PRKX: variants seen among roughly 807,000 people sequenced by gnomAD.
PRKX encodes the protein cAMP-dependent protein kinase catalytic subunit PRKX.
In PRKX, 12 loss-of-function variants were observed where a neutral mutation model predicts 22.0. That is an observed-to-expected ratio of 0.54 (90% CI 0.35 to 0.88). The LOEUF (loss-of-function observed/expected upper bound fraction) is 0.88, where lower values mean the gene tolerates loss of function less well. PRKX is among the 40% of genes least tolerant of loss of function. The probability of loss-of-function intolerance (pLI) is 0.01; values close to 1 mark genes in which losing one functional copy is unlikely to be tolerated. For missense variants in PRKX, 217 were observed against 308.0 expected (o/e 0.70, Z 2.21); for synonymous variants, 134 against 137.7 (o/e 0.97, Z 0.19).
At chrX:3,653,849 GAT>G (rs1491373191) in intron 3 of PRKX, among the ~76,000 whole-genome samples, 13 of 73,393 alleles carry the variant, frequency 1.8e-4, no homozygotes, top group South Asian at 1.3e-3. Context: ...TATACTATGT[GAT>G]ATATATATTA....
chrX:3,616,155 C>T (rs1303714258), intron 6 of PRKX, among the ~76,000 whole-genome samples: 2 of 111,091 alleles, frequency 1.8e-5, no homozygotes, highest in Non-Finnish European at 3.8e-5. Context: ...GGACCAAAGA[C>T]GAAAAAGGTA....
intron 1 of PRKX, among the ~76,000 whole-genome samples, chrX:3,686,190 C>T (rs1928174568): frequency 9.0e-6 from 1 of 111,581 alleles, no homozygotes; most frequent in Non-Finnish European, 1.9e-5. Flanking sequence ...GGATCTCACA[C>T]CAGTAAGTGG....
At chrX:3,637,979 C>A (rs905254848) in intron 4 of PRKX, among the ~76,000 whole-genome samples, 7 of 110,246 alleles carry the variant, frequency 6.3e-5, no homozygotes. Flanking sequence ...CCAGGCTGGT[C>A]TCGAACTCCT....
chrX:3,642,114 T>C, intron 3 of PRKX, 143 bp from the exon 4 acceptor site: 1 of 714,612 alleles, frequency 1.4e-6, no homozygotes, highest in Non-Finnish European at 2.0e-6. Flanking sequence ...TTTTAATGTG[T>C]AAAGACAGTA....
chrX:3,702,849 A>T (rs140265648), intron 1 of PRKX, among the ~76,000 whole-genome samples: 1,462 of 108,934 alleles, frequency 0.013, 30 homozygotes, highest in African/African-American at 0.045. Flanking sequence ...ATGCGTCCCC[A>T]TGCGTGGCTG....
chrX:3,694,052 G>C lies in PRKX; in HGVS notation c.166+19036C>G, dbSNP rs1050439583. 8.2e-5 allele frequency among the ~76,000 whole-genome samples: 9 copies of C among 109,224 alleles called. No homozygotes were observed. In the South Asian group the frequency reaches 3.6e-3, roughly 44 times the overall value. The allele number at this position is 109,224 out of a possible 115,157, so 94.8% of individuals were successfully genotyped here. ...TAGGGTGGGACCTAAATCCAACAAC[G>C]GGTGTCCTTCTAAGAGACAGAAGAG... On this transcript the variant is annotated intron_variant, in intron 1 of 8. Transcript: ENST00000262848.
At chrX:3,706,025 T>C (rs1213487759) in intron 1 of PRKX, among the ~76,000 whole-genome samples, 6 of 105,371 alleles carry the variant, frequency 5.7e-5, no homozygotes, top group Middle Eastern at 5.1e-3. Flanking sequence ...AAAACCACAA[T>C]GTCATCAACA....
chrX:3,659,812 C>A (rs1927558798), intron 2 of PRKX, among the ~76,000 whole-genome samples: 1 of 104,891 alleles, frequency 9.5e-6, no homozygotes, highest in African/African-American at 3.5e-5. Context: ...GCAACCTCCG[C>A]CTCCCGAGTT....
At chrX:3,688,768 C>A (rs1430233917) in intron 1 of PRKX, among the ~76,000 whole-genome samples, 1 of 108,222 alleles carries the variant, frequency 9.2e-6, no homozygotes, top group Non-Finnish European at 1.9e-5. Flanking sequence ...ACTCATGAGG[C>A]AGAGATGGGA....
At chrX:3,668,724 C>T (rs778888987) in intron 2 of PRKX, among the ~76,000 whole-genome samples, 61 of 112,019 alleles carry the variant, frequency 5.4e-4, no homozygotes, top group African/African-American at 1.7e-3. Flanking sequence ...TGGCTTGGCT[C>T]GGCTGCTGTG....
intron 3 of PRKX, among the ~76,000 whole-genome samples, chrX:3,647,956 T>C (rs1467102599): frequency 9.0e-6 from 1 of 111,408 alleles, no homozygotes; most frequent in African/African-American, 3.3e-5. Flanking sequence ...AGGGCCCTCC[T>C]ACAAGTAGAA....
intron 1 of PRKX, among the ~76,000 whole-genome samples, chrX:3,677,584 G>C (rs1197160018): frequency 7.2e-5 from 8 of 111,176 alleles, no homozygotes; most frequent in African/African-American, 2.6e-4. Flanking sequence ...CAAGAGTCTG[G>C]AATGCCATTG....
chrX:3,632,634 A>T (rs1232326412), intron 4 of PRKX, among the ~76,000 whole-genome samples: 16 of 111,871 alleles, frequency 1.4e-4, no homozygotes, highest in African/African-American at 4.9e-4. Flanking sequence ...AAGATAAATA[A>T]TAAGTGAGCA....
intron 1 of PRKX, among the ~76,000 whole-genome samples, chrX:3,677,940 CTT>C (rs1045402051): frequency 8.9e-6 from 1 of 111,935 alleles, no homozygotes; most frequent in Non-Finnish European, 1.9e-5. Context: ...AGTATATTCT[CTT>C]AGTTAATTTG....
chrX:3,635,383 C>T (rs1208643804), intron 4 of PRKX, among the ~76,000 whole-genome samples: 12 of 111,380 alleles, frequency 1.1e-4, no homozygotes, highest in African/African-American at 2.9e-4. Context: ...GAAGAAAATT[C>T]ATCACTATTC....
In PRKX at chrX:3,608,818, C is replaced by G. The variant is rs1926236732; in HGVS notation, c.*151G>C. 8.9e-6 allele frequency: 1 copy of G among 112,143 alleles called. No individual in the cohort carries two copies. The highest frequency in any genetic ancestry group is 9.5e-5 in the Admixed American group (1 of 10,525). 9.2% of individuals were successfully genotyped at this position (112,143 alleles called of 1,213,427 possible). On this transcript the variant is annotated 3_prime_UTR_variant, in exon 9 of 9. Coordinates refer to ENST00000262848, the MANE Select transcript of PRKX (RefSeq NM_005044.5). Reference sequence around the variant, plus strand: ...CAGTTCCATGAATTTCAACTGTGCTCTAATCTATTTCTATACACACAGGTA... The same window carrying G: ...CAGTTCCATGAATTTCAACTGTGCTGTAATCTATTTCTATACACACAGGTA...
chrX:3,633,533 T>C (rs1357797188), intron 4 of PRKX, among the ~76,000 whole-genome samples: 2 of 111,114 alleles, frequency 1.8e-5, no homozygotes, highest in East Asian at 5.6e-4. Context: ...ACTGCACTCC[T>C]GACTGGGCAA....
At chrX:3,661,814 T>C (rs1343520674) in intron 2 of PRKX, among the ~76,000 whole-genome samples, 2 of 111,344 alleles carry the variant, frequency 1.8e-5, no homozygotes, top group Admixed American at 1.9e-4. Context: ...AACCAATGCA[T>C]CAGTTCAATG....
At position 3,654,916 on chromosome X, in the gene PRKX, G is replaced by A. The variant is rs147752516; in HGVS notation, c.599+233C>T. 6.2e-3 allele frequency among the ~76,000 whole-genome samples: 689 copies of A among 111,048 alleles called. 4 individuals are homozygous for A. The highest frequency in any genetic ancestry group is 0.021 in the African/African-American group (656 of 30,564). ...TATGTGGTGTTCTGATTTCCTCCAC[G>A]GTGCCAGTGAAGGAGACTGACTTCC... On this transcript the variant is annotated intron_variant, in intron 3 of 8. Transcript: ENST00000262848.
Sources: allele counts gnomAD v4.1 joint callset (sites outside exome capture counted in the v4.1 genomes callset), GRCh38; gene constraint gnomAD v4.1.1; transcripts MANE v1.5; gene names NCBI Gene and HGNC (gene_info 2026-07-23, HGNC 2026-07-21).